Variants in DIP2A observed in about 807,000 individuals in gnomAD.
The protein encoded by DIP2A is DIP2 acetate--CoA ligase A.
DIP2A carries 85 observed loss-of-function variants against 177.4 expected under a neutral mutation model. The observed-to-expected ratio is 0.48, with a 90% CI of 0.40 to 0.57. DIP2A has a LOEUF of 0.57. Among genes scored for constraint, DIP2A ranks in the 20% least tolerant of loss-of-function variants. DIP2A has a pLI of 0.00. For synonymous variants in DIP2A, 886 were observed against 881.8 expected, an observed-to-expected ratio of 1.00 and a Z score of -0.08; for missense variants, 1,791 against 2,100.2, an observed-to-expected ratio of 0.85 and a Z score of 2.88.
At position 46,459,195 on chromosome 21, in the gene DIP2A, G is replaced by T; in HGVS notation, c.64G>T (p.Ala22Ser). The T allele has an allele frequency of 6.6e-7, 1 of 1,525,868 alleles. No individual in the cohort carries two copies. The allele number at this position is 1,525,868 out of a possible 1,614,324, so 94.5% of individuals were successfully genotyped here. The change falls in exon 1 of 38, where the codon GCT (alanine) becomes TCT (serine). Residue 22 changes from alanine (A) to serine (S), a missense_variant. By Grantham distance (99) the Ala-to-Ser change is moderately conservative (BLOSUM62 1). Coordinates refer to ENST00000417564, the MANE Select transcript of DIP2A (RefSeq NM_015151.4). Reference protein sequence around the residue: ...PLPAEVRESLAELELELSEGD... With the variant: ...PLPAEVRESLSELELELSEGD... Reference sequence around the variant, plus strand: ...GCCTGCCGAGGTGCGGGAGAGCCTGGCTGAGCTGGAGCTGGAGCTGTCGGA... The same window carrying T: ...GCCTGCCGAGGTGCGGGAGAGCCTGTCTGAGCTGGAGCTGGAGCTGTCGGA...
At chr21:46,510,687 G>A (rs1353831413) in intron 7 of DIP2A, among the ~76,000 whole-genome samples, 1 of 139,550 alleles carries the variant, frequency 7.2e-6, no homozygotes, top group Non-Finnish European at 1.5e-5. Flanking sequence ...CTGGAGTGCA[G>A]TGGTGCGATC....
At chr21:46,553,908 A>G (rs2032559465) in intron 25 of DIP2A, 2 of 314,624 alleles carry the variant, frequency 6.4e-6, no homozygotes, top group Admixed American at 4.1e-5. Context: ...TTATGCCTGT[A>G]ATCCCAGCAC....
intron 7 of DIP2A, among the ~76,000 whole-genome samples, chr21:46,510,925 G>A (rs568380045): frequency 1.6e-4 from 25 of 152,148 alleles, no homozygotes; most frequent in Admixed American, 6.5e-4. Context: ...GAGCCACCAC[G>A]CCCAGCCTAT....
rs371373717 is a variant in DIP2A, at chr21:46,511,463, G to T, written c.951G>T (p.Thr317=). Residue 317 remains threonine (T), a synonymous_variant, in exon 8 of 38, where the codon ACG becomes ACT. Transcript: ENST00000417564. ...AGCCAAAGCCTGAGGGAAGCGAGAC[G>T]AGTGTGCTGAGAGGGGAGCCTCTCA... is the stretch of plus-strand genomic sequence containing the variant. The part of the protein sequence containing the change: ...PNQPKPEGSE[T]SVLRGEPLTA... The T allele has an allele frequency of 6.2e-7, 1 of 1,613,028 alleles. No homozygotes were observed. Among genetic ancestry groups the T allele is most frequent in the Non-Finnish European group, 8.5e-7 (1 of 1,179,518 alleles).
Position 46,557,701 on chromosome 21 carries a change from C to G in DIP2A, c.3746C>G (p.Ser1249Cys). The change falls in exon 31 of 38, where the codon TCT becomes TGT. Residue 1249 changes from serine to cysteine, a missense_variant. By Grantham distance (112) the Ser-to-Cys change is moderately radical. Coordinates refer to ENST00000417564, the MANE Select transcript of DIP2A (RefSeq NM_015151.4). The surrounding 1 kb of genome is among the most constrained non-coding windows in gnomAD (Gnocchi z 6.0). Reference sequence around the variant, plus strand: ...GCCCGCGTCACCTTCTGCTCCTACTCTGTGATGGAGATGTGCACCAAGGGC... The same window carrying G: ...GCCCGCGTCACCTTCTGCTCCTACTGTGTGATGGAGATGTGCACCAAGGGC... ...YKARVTFCSY[S>C]VMEMCTKGLG... 1 of 1,613,672 alleles carries G rather than the reference C, an allele frequency of 6.2e-7. No individual in the cohort carries two copies. Among genetic ancestry groups the G allele is most frequent in the Non-Finnish European group, 8.5e-7 (1 of 1,179,788 alleles).
chr21:46,481,278 C>T (rs2056325147), intron 1 of DIP2A, among the ~76,000 whole-genome samples: 1 of 152,204 alleles, frequency 6.6e-6, no homozygotes, highest in South Asian at 2.1e-4. Context: ...AATTTATTCA[C>T]ACTTTTGCAA....
At chr21:46,527,020 CTGAGTT>C (rs2059124793) in intron 8 of DIP2A, among the ~76,000 whole-genome samples, 1 of 147,350 alleles carries the variant, frequency 6.8e-6, no homozygotes. Flanking sequence ...TCCTTTTATT[CTGAGTT>C]TAAGAAGAAT....
chr21:46,489,012 A>C (rs575902241), intron 2 of DIP2A, among the ~76,000 whole-genome samples: 64 of 152,234 alleles, frequency 4.2e-4, no homozygotes, highest in Non-Finnish European at 7.2e-4. Context: ...TGTTTTATCC[A>C]GTCACAAAAA....
chr21:46,550,113 A>G lies in DIP2A; in HGVS notation c.2637+228A>G. 7.7e-6 allele frequency: 9 copies of G among 1,167,272 alleles called. No individual in the cohort carries two copies. The South Asian group carries it at 1.5e-4, about 19-fold the overall frequency. 72.3% of individuals were successfully genotyped at this position (1,167,272 alleles called of 1,614,324 possible). On this transcript the variant is annotated intron_variant, in intron 22 of 37. Transcript: ENST00000417564. ...ATATAGAATAATTAATATATCCATC[A>G]CCTCAATATTTATTTTTTTCTGATG... is the stretch of plus-strand genomic sequence containing the variant.
At chr21:46,487,042 A>G (rs2056743130) in intron 2 of DIP2A, among the ~76,000 whole-genome samples, 2 of 152,182 alleles carry the variant, frequency 1.3e-5, no homozygotes, top group Non-Finnish European at 2.9e-5. Context: ...GAGTCCAGAA[A>G]GAGAAGGAAA....
chr21:46,553,790 C>G (rs1020256152), intron 25 of DIP2A: 1 of 168,798 alleles, frequency 5.9e-6, no homozygotes, highest in African/African-American at 2.4e-5. Flanking sequence ...GCATCTCTCC[C>G]TCTTAGCTGG....
At chr21:46,549,699 G>A (rs1045769714) in intron 21 of DIP2A, 72 bp from the exon 22 acceptor site, 25 of 1,586,066 alleles carry the variant, frequency 1.6e-5, no homozygotes, top group Middle Eastern at 3.3e-4. Flanking sequence ...CTCTTCCATC[G>A]TGAGGGTGAG....
intron 2 of DIP2A, among the ~76,000 whole-genome samples, chr21:46,485,808 C>T (rs1194814295): frequency 6.6e-6 from 1 of 152,048 alleles, no homozygotes; most frequent in Non-Finnish European, 1.5e-5. Context: ...CGCGGTGGCT[C>T]ACGCCTGTAA....
intron 1 of DIP2A, among the ~76,000 whole-genome samples, chr21:46,465,112 G>A (rs893557387): frequency 2.0e-5 from 3 of 152,028 alleles, no homozygotes; most frequent in Non-Finnish European, 4.4e-5. Context: ...CTCTTATTTT[G>A]AACCTTCCTT....
Position 46,509,364 on chromosome 21 carries a change from G to A in DIP2A, c.892G>A (p.Glu298Lys), listed in dbSNP as rs754737833. The part of the protein sequence containing the change: ...LKEFFVDDFE[E>K]LLEVQQPDPN... ...GGAGTTCTTTGTGGATGATTTTGAGGAATTGTTGGAAGGTAAGAGTTGTCC... is the reference window on the plus strand; with the variant it reads ...GGAGTTCTTTGTGGATGATTTTGAGAAATTGTTGGAAGGTAAGAGTTGTCC... Residue 298 changes from glutamate to lysine, a missense_variant, in exon 7 of 38, where the codon GAA becomes AAA. Coordinates refer to ENST00000417564, the MANE Select transcript of DIP2A (RefSeq NM_015151.4). 7.6e-5 allele frequency: 123 copies of A among 1,611,224 alleles called. No individual in the cohort carries two copies. The highest frequency in any genetic ancestry group is 9.5e-5 in the Non-Finnish European group (112 of 1,178,918).
In DIP2A at chr21:46,567,412, G is replaced by A. The variant is rs754210337; in HGVS notation, c.4506G>A (p.Glu1502=). ...TWTNLLVVVV[E]LDGLEQDALD... Reference sequence around the variant, plus strand: ...CCAACCTGCTGGTGGTGGTGGTGGAGCTGGATGGGCTAGAGCAGGATGCCC... The same window carrying A: ...CCAACCTGCTGGTGGTGGTGGTGGAACTGGATGGGCTAGAGCAGGATGCCC... The change falls in exon 38 of 38, where the codon GAG becomes GAA. Residue 1502 remains glutamate (E), a synonymous_variant. Transcript: ENST00000417564. The A allele has an allele frequency of 3.7e-6, 6 of 1,613,834 alleles. No individual in the cohort carries two copies. Among genetic ancestry groups the A allele is most frequent in the Non-Finnish European group, 5.1e-6 (6 of 1,179,880 alleles).
Position 46,554,887 on chromosome 21 carries a change from T to C in DIP2A, c.3342T>C (p.Ala1114=), listed in dbSNP as rs760925518. 2.8e-5 allele frequency: 44 copies of C among 1,550,102 alleles called. 1 individual carries two copies. In the East Asian group the frequency reaches 1.1e-3, roughly 37 times the overall value. The change falls in exon 28 of 38, where the codon GCT becomes GCC. Residue 1114 remains alanine (A), a synonymous_variant. Transcript: ENST00000417564. ...CACGGCTGCTCAGGTCCAAGGAGGCTGCTGCTGCCGTGGACATCAGGACCT... is the reference window on the plus strand; with the variant it reads ...CACGGCTGCTCAGGTCCAAGGAGGCCGCTGCTGCCGTGGACATCAGGACCT... ...AVTRLLRSKE[A]AAAVDIRTWP... is the part of the protein sequence containing the mutation.
chr21:46,534,147 A>G lies in DIP2A; in HGVS notation c.1539+34A>G, dbSNP rs74627652. On this transcript the variant is annotated intron_variant, in intron 12 of 37. Transcript: ENST00000417564. ...TGTTCCTAACTTAGAGAATGTAAAA[A>G]CATGTCCCACAGGCTTAAGTCTTGC... 1,467 of 1,511,554 alleles carry G rather than the reference A, an allele frequency of 9.7e-4. 33 individuals are homozygous for G. The East Asian group carries it at 0.025, about 26-fold the overall frequency. The allele number at this position is 1,511,554 out of a possible 1,614,324, so 93.6% of individuals were successfully genotyped here. A position where few individuals can be genotyped will look rare whatever the true frequency, so the allele number is the denominator to read the frequency against.
Position 46,537,340 on chromosome 21 carries a change from C to T in DIP2A, c.1707+52C>T. On this transcript the variant is annotated intron_variant, in intron 14 of 37. Transcript: ENST00000417564. The surrounding 1 kb of genome is among the most constrained non-coding windows in gnomAD (Gnocchi z 4.1). ...TGTTGGAACAAGGGATTGAGATGAA[C>T]CCAAGCCTCTGCCTGAAATGTTGTT... is the stretch of plus-strand genomic sequence containing the variant. The T allele has an allele frequency of 6.2e-7, 1 of 1,611,478 alleles. No homozygotes were observed. Among genetic ancestry groups the T allele is most frequent in the South Asian group, 1.1e-5 (1 of 91,044 alleles).
Sources: allele counts gnomAD v4.1 joint callset (sites outside exome capture counted in the v4.1 genomes callset), GRCh38; gene constraint gnomAD v4.1.1; non-coding constraint Gnocchi (gnomAD v3.1); transcripts MANE v1.5; gene names NCBI Gene and HGNC (gene_info 2026-07-23, HGNC 2026-07-21).